Variants in OTOA observed in about 807,000 individuals in gnomAD.
OTOA encodes the protein cancer/testis antigen 108.
OTOA carries 70 observed loss-of-function variants against 110.8 expected under a neutral mutation model. The observed-to-expected ratio is 0.63, with a 90% CI of 0.52 to 0.77. The LOEUF is 0.77. Ranked by LOEUF, OTOA falls within the 30% of genes least tolerant of loss-of-function variation. OTOA has a pLI of 0.00. For synonymous variants in OTOA, 373 were observed against 431.5 expected (o/e 0.86, Z 1.68); for missense variants, 917 against 1,075.8 (o/e 0.85, Z 2.06).
chr16:21,687,409 T>C lies in OTOA; in HGVS notation c.400-4T>C. 3 of 1,613,748 alleles carry C rather than the reference T, an allele frequency of 1.9e-6. No homozygotes were observed. The highest frequency in any genetic ancestry group is 2.5e-6 in the Non-Finnish European group (3 of 1,179,720). On this transcript the variant is annotated splice_polypyrimidine_tract_variant and splice_region_variant and intron_variant, in intron 7 of 28. Coordinates refer to ENST00000646100, the MANE Select transcript of OTOA (RefSeq NM_144672.4). ...ACTGACCCTGGCTTCTGTCATTGCT[T>C]TAGGACCTGAAAGACATCATCATCG... is the stretch of plus-strand genomic sequence containing the variant.
chr16:21,698,488 C>T (rs1325427979), intron 10 of OTOA, among the ~76,000 whole-genome samples: 1 of 152,142 alleles, frequency 6.6e-6, no homozygotes, highest in Non-Finnish European at 1.5e-5. Flanking sequence ...AAGAATGCTG[C>T]CAACACAAAG....
intron 19 of OTOA, among the ~76,000 whole-genome samples, chr16:21,727,690 A>G (rs1194254139): frequency 6.6e-6 from 1 of 152,090 alleles, no homozygotes; most frequent in Non-Finnish European, 1.5e-5. Flanking sequence ...CAGAGCAATA[A>G]CAGTGACAGC....
In OTOA at chr16:21,736,352, A is replaced by G; in HGVS notation, c.2393A>G (p.Asn798Ser). The G allele has an allele frequency of 6.2e-7, 1 of 1,614,140 alleles. No homozygotes were observed. The highest frequency in any genetic ancestry group is 8.5e-7 in the Non-Finnish European group (1 of 1,180,022). ...FLWAVFQSVR[N>S]SSDKIPSYDP... is the part of the protein sequence containing the mutation. ...TGGGCTGTCTTTCAGTCTGTTCGGA[A>G]CAGCAGTGATAAGATCCCCAGCTAT... Residue 798 changes from asparagine to serine, a missense_variant, in exon 22 of 29, where the codon AAC becomes AGC. This residue lies in a region of OTOA where 57 missense variants were observed against 59.7 expected (regional missense o/e 0.96). Transcript: ENST00000646100.
intron 9 of OTOA, among the ~76,000 whole-genome samples, chr16:21,695,891 A>ATATATTTTTTT (rs569493650): frequency 2.1e-4 from 9 of 41,902 alleles, no homozygotes; most frequent in African/African-American, 5.9e-4. Context: ...ATATATATAT[A>ATATATTTTTTT]TTTTTTTTTT....
intron 21 of OTOA, among the ~76,000 whole-genome samples, chr16:21,734,580 C>T (rs1899223084): frequency 6.6e-6 from 1 of 152,086 alleles, no homozygotes; most frequent in Non-Finnish European, 1.5e-5. Context: ...CTCATGCCTG[C>T]AATCCCAGCA....
At chr16:21,713,054 C>T (rs138281600) in intron 13 of OTOA, among the ~76,000 whole-genome samples, 2,245 of 151,972 alleles carry the variant, frequency 0.015, 57 homozygotes, top group Admixed American at 0.063. Flanking sequence ...GCCTTGACCC[C>T]CCAGGCTCAG....
At chr16:21,709,831 G>A in intron 12 of OTOA, 57 bp from the exon 13 acceptor site, 1 of 1,473,628 alleles carries the variant, frequency 6.8e-7, no homozygotes, top group Admixed American at 1.7e-5. Flanking sequence ...GATATGGTCA[G>A]AGGGAGCCAC....
chr16:21,721,395 G>T (rs776424865), intron 17 of OTOA: 16 of 455,174 alleles, frequency 3.5e-5, no homozygotes, highest in South Asian at 2.3e-4. Flanking sequence ...AAACATTTTT[G>T]GTTGTCACAA....
intron 6 of OTOA, 30 bp downstream of exon 6, chr16:21,681,855 C>T (rs1187921493): frequency 6.3e-7 from 1 of 1,589,080 alleles, no homozygotes; most frequent in East Asian, 2.2e-5. Flanking sequence ...CTATATGTTC[C>T]CATCTCAGTG....
intron 17 of OTOA, 138 bp from the exon 18 acceptor site, chr16:21,722,767 T>C (rs1362441884): frequency 1.3e-6 from 1 of 751,058 alleles, no homozygotes; most frequent in Non-Finnish European, 2.4e-6. Flanking sequence ...GGCACAGTAG[T>C]GGTACTTACA....
intron 8 of OTOA, among the ~76,000 whole-genome samples, chr16:21,689,748 C>T (rs1193226479): frequency 2.0e-5 from 3 of 151,886 alleles, no homozygotes; most frequent in Admixed American, 2.0e-4. Flanking sequence ...TGCAATGGCC[C>T]CATCTCGGCT....
intron 27 of OTOA, among the ~76,000 whole-genome samples, chr16:21,756,265 T>C (rs458810): frequency 0.12 from 18,191 of 146,182 alleles, 1,846 homozygotes; most frequent in East Asian, 0.28. Context: ...ATAGTCTGGC[T>C]GGCAGAATTT....
chr16:21,674,948 G>C (rs1450685479), intron 1 of OTOA, among the ~76,000 whole-genome samples: 7 of 97,856 alleles, frequency 7.2e-5, no homozygotes, highest in African/African-American at 3.3e-4. Context: ...ATATGCCTTG[G>C]CGTGGCTTTA....
intron 8 of OTOA, among the ~76,000 whole-genome samples, chr16:21,689,665 T>C (rs1897788849): frequency 6.6e-6 from 1 of 152,044 alleles, no homozygotes; most frequent in South Asian, 2.1e-4. Context: ...TGAAAACCAC[T>C]GAATTGTGCA....
chr16:21,730,567 G>A (rs899927981), intron 20 of OTOA: 2 of 403,416 alleles, frequency 5.0e-6, no homozygotes, highest in African/African-American at 4.1e-5. Context: ...TTTCCACTTG[G>A]TAATATGAAT....
chr16:21,684,829 G>A (rs1338352621), intron 6 of OTOA, among the ~76,000 whole-genome samples: 2 of 151,066 alleles, frequency 1.3e-5, no homozygotes, highest in Admixed American at 1.3e-4. Context: ...TCGGCTCACT[G>A]CAACCTCCGC....
At chr16:21,755,932 C>A (rs1312876251) in intron 27 of OTOA, among the ~76,000 whole-genome samples, 1 of 152,158 alleles carries the variant, frequency 6.6e-6, no homozygotes, top group Non-Finnish European at 1.5e-5. Context: ...GTGAAGAATG[C>A]CATGTGTGAG....
At chr16:21,719,018 C>T in intron 15 of OTOA, 115 bp from the exon 16 acceptor site, 1 of 1,038,588 alleles carries the variant, frequency 9.6e-7, no homozygotes. Context: ...GCCTGTTAAG[C>T]CTCCATTTCC....
chr16:21,698,035 A>G (rs1294973723), intron 10 of OTOA, among the ~76,000 whole-genome samples, 160 bp downstream of exon 10: 1 of 152,184 alleles, frequency 6.6e-6, no homozygotes, highest in African/African-American at 2.4e-5. Flanking sequence ...AACTATTGGA[A>G]GAAAGTTTCA....
Sources: gnomAD v4.1 joint callset for allele counts (sites outside exome capture counted in the v4.1 genomes callset) on GRCh38, gnomAD v4.1.1 for gene constraint, gnomAD v4.1.1 regional missense constraint, MANE v1.5 for transcripts, NCBI Gene and HGNC (gene_info 2026-07-23, HGNC 2026-07-21) for gene names.